Variants in AP3B1 observed in about 807,000 individuals in gnomAD.
The protein encoded by AP3B1 is AP-3 complex subunit beta-1.
A neutral mutation model predicts 132.5 loss-of-function variants in AP3B1; 61 were observed. That is an observed-to-expected ratio of 0.46 (90% CI 0.37 to 0.57). The LOEUF is 0.57. Ranked by LOEUF, AP3B1 falls within the 20% of genes least tolerant of loss-of-function variation. AP3B1 has a pLI of 0.00. For missense variants in AP3B1, 1,120 were observed against 1,289.4 expected, an observed-to-expected ratio of 0.87 and a Z score of 2.01; for synonymous variants, 388 against 438.3, an observed-to-expected ratio of 0.89 and a Z score of 1.43.
chr5:78,137,772 T>G (rs371588581), intron 15 of AP3B1, among the ~76,000 whole-genome samples: 4 of 152,206 alleles, frequency 2.6e-5, no homozygotes, highest in African/African-American at 9.6e-5. Context: ...ATTTTTTATA[T>G]TAGGTCAAAA....
chr5:78,235,370 A>C (rs1231563367), intron 3 of AP3B1, among the ~76,000 whole-genome samples: 2 of 152,206 alleles, frequency 1.3e-5, no homozygotes, highest in East Asian at 3.8e-4. Context: ...CACAGAGTTT[A>C]TATTGGCAAC....
chr5:78,129,418 T>C (rs553797383), intron 15 of AP3B1, 111 bp from the exon 16 acceptor site: 20 of 948,182 alleles, frequency 2.1e-5, no homozygotes, highest in Non-Finnish European at 3.1e-5. Context: ...GTCAAACAAA[T>C]GTTGTTCCAT....
intron 7 of AP3B1, among the ~76,000 whole-genome samples, chr5:78,192,007 T>G (rs373252410): frequency 4.1e-4 from 63 of 152,066 alleles, no homozygotes; most frequent in Middle Eastern, 3.4e-3. Flanking sequence ...GTTACAGGCA[T>G]GCACCACCAC....
At chr5:78,035,741 T>C (rs1747785080) in intron 23 of AP3B1, among the ~76,000 whole-genome samples, 1 of 152,146 alleles carries the variant, frequency 6.6e-6, no homozygotes, top group Non-Finnish European at 1.5e-5. Flanking sequence ...AGTTTGAATT[T>C]CATTTGTTTA....
intron 7 of AP3B1, among the ~76,000 whole-genome samples, chr5:78,183,361 A>C (rs1187961147): frequency 6.6e-6 from 1 of 152,176 alleles, no homozygotes; most frequent in African/African-American, 2.4e-5. Flanking sequence ...AAAGTATCCA[A>C]AATGTCCAAG....
chr5:78,064,950 T>C (rs1749216180), intron 22 of AP3B1, among the ~76,000 whole-genome samples: 1 of 152,028 alleles, frequency 6.6e-6, no homozygotes, highest in African/African-American at 2.4e-5. Flanking sequence ...GGTCAGAGGC[T>C]TTCACCAAGA....
chr5:78,154,399 GTC>G (rs1743057481), intron 14 of AP3B1, among the ~76,000 whole-genome samples: 1 of 152,078 alleles, frequency 6.6e-6, no homozygotes, highest in African/African-American at 2.4e-5. Flanking sequence ...ACCTTTGGGA[GTC>G]TGATTATTAA....
At chr5:78,154,687 G>A (rs903749484) in intron 14 of AP3B1, among the ~76,000 whole-genome samples, 4 of 152,002 alleles carry the variant, frequency 2.6e-5, no homozygotes, top group African/African-American at 9.7e-5. Context: ...CAAAGAGCCT[G>A]TCTTCAAGCT....
intron 17 of AP3B1, among the ~76,000 whole-genome samples, chr5:78,120,622 C>G (rs1752131788): frequency 6.6e-6 from 1 of 151,850 alleles, no homozygotes; most frequent in South Asian, 2.1e-4. Context: ...GTAAAGGGAT[C>G]AATTCAACAA....
chr5:78,254,630 A>G (rs1281791031), intron 2 of AP3B1, among the ~76,000 whole-genome samples: 2 of 152,190 alleles, frequency 1.3e-5, no homozygotes, highest in Non-Finnish European at 2.9e-5. Context: ...ATGAAGAAAT[A>G]AACTTTCCCA....
In AP3B1 at chr5:78,181,545, T is replaced by C. The variant is rs121908905; in HGVS notation, c.904A>G (p.Arg302Gly). 5 of 1,613,246 alleles carry C rather than the reference T, an allele frequency of 3.1e-6. No homozygotes were observed. In the South Asian group the frequency reaches 4.4e-5, roughly 14 times the overall value. Residue 302 changes from arginine to glycine, a missense_variant, in exon 8 of 27, where the codon AGA (arginine) becomes GGA (glycine). Arg to Gly is a moderately radical substitution (Grantham distance 125, BLOSUM62 -2). This residue lies in a region of AP3B1 where 906 missense variants were observed against 997.1 expected (regional missense o/e 0.91). Transcript: ENST00000255194. ...CTCTGAAGCAAAGGCTTTGTATTTC[T>C]AATTAAGAGTCTATGATCTGGATCC... is the stretch of plus-strand genomic sequence containing the variant. ...TMDPDHRLLI[R>G]NTKPLLQSRN...
intron 22 of AP3B1, among the ~76,000 whole-genome samples, chr5:78,048,222 C>G (rs955581659): frequency 6.6e-6 from 1 of 152,088 alleles, no homozygotes; most frequent in Non-Finnish European, 1.5e-5. Context: ...TTCTGATAGC[C>G]GACAACAAAG....
intron 22 of AP3B1, among the ~76,000 whole-genome samples, chr5:78,058,707 C>T (rs775127471): frequency 1.3e-5 from 2 of 152,180 alleles, no homozygotes; most frequent in Non-Finnish European, 2.9e-5. Context: ...ATACGAATTG[C>T]TTCATTAGGC....
intron 2 of AP3B1, among the ~76,000 whole-genome samples, chr5:78,255,453 T>C (rs1451895839): frequency 2.9e-5 from 3 of 104,658 alleles, no homozygotes; most frequent in Non-Finnish European, 6.5e-5. Context: ...TGCTATACAA[T>C]ACCAAACAAA....
At chr5:78,250,886 C>G (rs1747602486) in intron 2 of AP3B1, among the ~76,000 whole-genome samples, 1 of 151,968 alleles carries the variant, frequency 6.6e-6, no homozygotes, top group Admixed American at 6.6e-5. Context: ...AAATTCTAAA[C>G]TGACTTCAAT....
At chr5:78,250,612 A>C (rs979148302) in intron 2 of AP3B1, among the ~76,000 whole-genome samples, 1 of 152,196 alleles carries the variant, frequency 6.6e-6, no homozygotes, top group Non-Finnish European at 1.5e-5. Context: ...TAAGGAGGAA[A>C]AAAATAACAG....
chr5:78,037,425 G>A (rs1226939624), intron 23 of AP3B1, among the ~76,000 whole-genome samples: 1 of 152,072 alleles, frequency 6.6e-6, no homozygotes, highest in East Asian at 1.9e-4. Flanking sequence ...TCTTTAAATA[G>A]TGTCTTAATT....
At chr5:78,159,380 T>C (rs1414581182) in intron 13 of AP3B1, among the ~76,000 whole-genome samples, 1 of 152,164 alleles carries the variant, frequency 6.6e-6, no homozygotes, top group Non-Finnish European at 1.5e-5. Flanking sequence ...ACAATGCAAA[T>C]TTATCATTGT....
chr5:78,147,572 A>C (rs1753459192), intron 14 of AP3B1, among the ~76,000 whole-genome samples: 1 of 151,874 alleles, frequency 6.6e-6, no homozygotes, highest in Non-Finnish European at 1.5e-5. Context: ...TGGCTTTGTA[A>C]AACTGCTATT....
Sources: allele counts gnomAD v4.1 joint callset (sites outside exome capture counted in the v4.1 genomes callset), GRCh38; gene constraint gnomAD v4.1.1; regional missense constraint gnomAD v4.1.1; transcripts MANE v1.5; gene names NCBI Gene and HGNC (gene_info 2026-07-23, HGNC 2026-07-21).